Variants in ATG2A observed in about 807,000 individuals in gnomAD.
ATG2A encodes the protein autophagy-related protein 2 homolog A.
ATG2A carries 103 observed loss-of-function variants against 214.2 expected under a neutral mutation model. The ratio of observed to expected loss-of-function variants is 0.48; its 90% CI spans 0.41 to 0.57. The LOEUF is 0.57. Among genes scored for constraint, ATG2A ranks in the 20% least tolerant of loss-of-function variants. ATG2A has a pLI of 0.00. For synonymous variants in ATG2A, 1,160 were observed against 1,142.1 expected, an observed-to-expected ratio of 1.02 and a Z score of -0.32; for missense variants, 2,312 against 2,613.2, an observed-to-expected ratio of 0.88 and a Z score of 2.51.
At chr11:64,901,861 C>T (rs557240112) in intron 29 of ATG2A, 101 bp downstream of exon 29, 49 of 1,362,924 alleles carry the variant, frequency 3.6e-5, no homozygotes, top group East Asian at 3.0e-4. Flanking sequence ...TCTCTCACCA[C>T]GGGAGCTCCA....
chr11:64,911,726 A>G lies in ATG2A; in HGVS notation c.1228+116T>C. The stretch of plus-strand genomic sequence containing the variant: ...TGGTCCCCAGGGAACCAAGTCACAG[A>G]TGGTAGATATCCAGGCATCGCTGGG... On this transcript the variant is annotated intron_variant, in intron 9 of 40. Transcript: ENST00000377264. 4 of 1,420,478 alleles carry G rather than the reference A, an allele frequency of 2.8e-6. No individual in the cohort carries two copies. The South Asian group carries it at 5.4e-5, about 19-fold the overall frequency. The allele number at this position is 1,420,478 out of a possible 1,614,324, so 88.0% of individuals were successfully genotyped here.
intron 36 of ATG2A, 84 bp downstream of exon 36, chr11:64,897,587 G>C: frequency 3.1e-6 from 5 of 1,606,832 alleles, no homozygotes; most frequent in Non-Finnish European, 4.3e-6. Flanking sequence ...GCTGCTAACA[G>C]TGCCTGGATG....
In ATG2A at chr11:64,898,273, G is replaced by A; in HGVS notation, c.4761C>T (p.Leu1587=). ...GTAGACCACTCACCTGGTCCACATT[G>A]AGCCGCAGGGGCATCAGCGAGACGC... is the stretch of plus-strand genomic sequence containing the variant. ...CLRVSLMPLR[L]NVDQDALFFL... The change falls in exon 33 of 41, where the codon CTC becomes CTT. Residue 1587 remains leucine (L), a synonymous_variant. Transcript: ENST00000377264. The surrounding 1 kb of genome is among the most constrained non-coding windows in gnomAD (Gnocchi z 4.5). The A allele has an allele frequency of 6.2e-7, 1 of 1,613,746 alleles. No homozygotes were observed. Among genetic ancestry groups the A allele is most frequent in the East Asian group, 2.2e-5 (1 of 44,884 alleles).
At position 64,907,844 on chromosome 11, in the gene ATG2A, C is replaced by T. The variant is rs548242951; in HGVS notation, c.2411G>A (p.Arg804Gln). Residue 804 changes from arginine to glutamine, a missense_variant, in exon 17 of 41, where the codon CGG (arginine) becomes CAG (glutamine). By Grantham distance (43) the Arg-to-Gln change is conservative (BLOSUM62 1). Coordinates refer to ENST00000377264, the MANE Select transcript of ATG2A (RefSeq NM_015104.3). ...DPEEMRTFQS[R>Q]TLALSRCSLE... ...GCTGCAGCGGGACAGTGCCAGGGTC[C>T]GGCTCTGGAACGTCCTCATCTCCTC... 1.7e-5 allele frequency: 27 copies of T among 1,613,160 alleles called. No individual in the cohort carries two copies. The highest frequency in any genetic ancestry group is 7.7e-5 in the South Asian group (7 of 90,918).
Position 64,906,178 on chromosome 11 carries a change from G to T in ATG2A, c.3199C>A (p.Leu1067Met), listed in dbSNP as rs766873877. Residue 1067 changes from leucine (L) to methionine (M), a missense_variant, in exon 22 of 41, where the codon CTG becomes ATG. Physicochemically the swap from Leu to Met is conservative, Grantham distance 15 (BLOSUM62 2). Coordinates refer to ENST00000377264, the MANE Select transcript of ATG2A (RefSeq NM_015104.3). The part of the protein sequence containing the change: ...HKNVKEFLVT[L>M]RLHKATLRHY... ...CGCAAGGTGGCTTTGTGCAACCGCA[G>T]TGTCACCAGGAACTCCTGAGGGTGG... The T allele has an allele frequency of 6.2e-7, 1 of 1,609,608 alleles. No homozygotes were observed.
Position 64,905,929 on chromosome 11 carries a change from G to T in ATG2A, c.3265-81C>A, listed in dbSNP as rs554775483. 2.5e-5 allele frequency: 37 copies of T among 1,451,200 alleles called. No individual in the cohort carries two copies. In the Admixed American group the frequency reaches 5.9e-4, roughly 23 times the overall value. The allele number at this position is 1,451,200 out of a possible 1,614,324, so 89.9% of individuals were successfully genotyped here. A position where few individuals can be genotyped will look rare whatever the true frequency, so the allele number is the denominator to read the frequency against. On this transcript the variant is annotated intron_variant, in intron 22 of 40. Transcript: ENST00000377264. ...CTAACCCCTCCCTGTCCTGGCCCCT[G>T]CCTGGCACCTCACCTTCTGCCCACT...
rs1335319928 is a variant in ATG2A, at chr11:64,902,266, G to A, written c.3898C>T (p.Pro1300Ser). 6.2e-7 allele frequency: 1 copy of A among 1,613,230 alleles called. No homozygotes were observed. The highest frequency in any genetic ancestry group is 8.5e-7 in the Non-Finnish European group (1 of 1,180,024). ...CACAGCACCCCCACTTCACCTGAAG[G>A]CTGGGCCAGCTCCCGTAGGCTGCGC... is the stretch of plus-strand genomic sequence containing the variant. The part of the protein sequence containing the change: ...TERSLRELAQ[P>S]SGGHLPQASP... Residue 1300 changes from proline (P) to serine (S), a missense_variant, in exon 28 of 41, where the codon CCT becomes TCT. Coordinates refer to ENST00000377264, the MANE Select transcript of ATG2A (RefSeq NM_015104.3).
At chr11:64,915,176 G>A (rs111972001) in intron 1 of ATG2A, among the ~76,000 whole-genome samples, 1 of 136,394 alleles carries the variant, frequency 7.3e-6, no homozygotes, top group Admixed American at 7.9e-5. Context: ...GTGTAGCTGT[G>A]CCTCTCTGTG....
chr11:64,913,441 G>C lies in ATG2A; in HGVS notation c.591-40C>G. ...GTCAGCCCGTGCCCTGGCCACCCCAGGCCTGGAGCCCCTCTCTCCACACAG... is the reference window on the plus strand; with the variant it reads ...GTCAGCCCGTGCCCTGGCCACCCCACGCCTGGAGCCCCTCTCTCCACACAG... On this transcript the variant is annotated intron_variant, in intron 4 of 40. Transcript: ENST00000377264. The surrounding 1 kb of genome is among the most constrained non-coding windows in gnomAD (Gnocchi z 4.3). 3 of 1,520,082 alleles carry C rather than the reference G, an allele frequency of 2.0e-6. No homozygotes were observed. Among genetic ancestry groups the C allele is most frequent in the Non-Finnish European group, 2.7e-6 (3 of 1,130,062 alleles). 94.2% of individuals were successfully genotyped at this position (1,520,082 alleles called of 1,614,324 possible). A position where few individuals can be genotyped will look rare whatever the true frequency, so the allele number is the denominator to read the frequency against.
intron 8 of ATG2A, 34 bp from the exon 9 acceptor site, chr11:64,912,016 G>A (rs763085430): frequency 2.9e-5 from 46 of 1,613,322 alleles, no homozygotes; most frequent in Middle Eastern, 3.3e-4. Context: ...AGGGACAGCC[G>A]ACCCCAGCCC....
intron 37 of ATG2A, chr11:64,897,104 G>A (rs925089291): frequency 2.8e-5 from 18 of 651,438 alleles, no homozygotes; most frequent in East Asian, 2.3e-4. Context: ...CACTGCAACC[G>A]CCTCCCAGGT....
rs766284685 is a variant in ATG2A, at chr11:64,905,659, G to A, written c.3372-4C>T. 1.2e-6 allele frequency: 2 copies of A among 1,613,908 alleles called. No individual in the cohort carries two copies. The highest frequency in any genetic ancestry group is 1.7e-5 in the Admixed American group (1 of 59,998). On this transcript the variant is annotated splice_region_variant and splice_polypyrimidine_tract_variant and intron_variant, in intron 23 of 40. Transcript: ENST00000377264. ...ACGCACTGGGAGGTAGAGTGGCCTG[G>A]GGGTGATACTCGGGCTGGGGCCGGC... is the stretch of plus-strand genomic sequence containing the variant.
intron 9 of ATG2A, 110 bp from the exon 10 acceptor site, chr11:64,911,385 T>C: frequency 4.5e-6 from 5 of 1,110,298 alleles, no homozygotes; most frequent in Admixed American, 2.0e-5. Flanking sequence ...TGCCCCACCA[T>C]GTGGCTCTGG....
intron 39 of ATG2A, among the ~76,000 whole-genome samples, 186 bp downstream of exon 39, chr11:64,896,276 G>A (rs1237454779): frequency 2.0e-5 from 3 of 152,190 alleles, no homozygotes; most frequent in Admixed American, 6.5e-5. Flanking sequence ...TGTGGGCCTC[G>A]GGAGACCTGG....
At chr11:64,907,961 C>A in intron 16 of ATG2A, 71 bp from the exon 17 acceptor site, 1 of 1,519,290 alleles carries the variant, frequency 6.6e-7, no homozygotes, top group East Asian at 2.3e-5. Flanking sequence ...TCTCTGGTCT[C>A]AGTCCTGCCC....
At position 64,909,709 on chromosome 11, in the gene ATG2A, G is replaced by T. The variant is rs752621725; in HGVS notation, c.2079C>A (p.His693Gln). Residue 693 changes from histidine (H) to glutamine (Q), a missense_variant, in exon 14 of 41, where the codon CAC (histidine) becomes CAA (glutamine). By Grantham distance (24) the His-to-Gln change is conservative. Transcript: ENST00000377264. Reference protein sequence around the residue: ...SSGPGPPVPTHLELTCSDLHG... With the variant: ...SSGPGPPVPTQLELTCSDLHG... ...GTAGGTCGGAGCAGGTGAGTTCCAG[G>T]TGGGTGGGGACTGGGGGACCAGGCC... 6.2e-7 allele frequency: 1 copy of T among 1,613,204 alleles called. No homozygotes were observed. The highest frequency in any genetic ancestry group is 8.5e-7 in the Non-Finnish European group (1 of 1,179,988).
chr11:64,902,641 C>T lies in ATG2A; in HGVS notation c.3652G>A (p.Val1218Ile). Reference protein sequence around the residue: ...LFELRCSNNVVHVHSCADSCA... With the variant: ...LFELRCSNNVIHVHSCADSCA... ...GAGTCGGCACAGCTGTGCACGTGTA[C>T]CACATTGTTGGAGCAGCGCAGCTCG... Residue 1218 changes from valine to isoleucine, a missense_variant, in exon 27 of 41, where the codon GTA becomes ATA. Physicochemically the swap from Val to Ile is conservative, Grantham distance 29. Coordinates refer to ENST00000377264, the MANE Select transcript of ATG2A (RefSeq NM_015104.3). The T allele has an allele frequency of 1.9e-6, 3 of 1,611,218 alleles. 1 individual carries two copies. In the East Asian group the frequency reaches 6.7e-5, roughly 36 times the overall value.
rs1174602392 is a variant in ATG2A at position 64,900,937 on chromosome 11, G to A, written c.4275C>T (p.Ser1425=). 1.9e-6 allele frequency: 3 copies of A among 1,578,818 alleles called. No homozygotes were observed. Among genetic ancestry groups the A allele is most frequent in the Non-Finnish European group, 2.6e-6 (3 of 1,162,862 alleles). ...GGCCCCCATAGAGGTGCCAGACGAG[G>A]GAGACCTCACGTAGCACCACCCGAG... The part of the protein sequence containing the change: ...PSTRVVLREV[S]LVWHLYGGRD... Residue 1425 remains serine (S), a synonymous_variant, in exon 30 of 41, where the codon TCC becomes TCT. Transcript: ENST00000377264.
At position 64,902,293 on chromosome 11, in the gene ATG2A, C is replaced by G. The variant is rs781517472; in HGVS notation, c.3871G>C (p.Glu1291Gln). 5 of 1,612,584 alleles carry G rather than the reference C, an allele frequency of 3.1e-6. No homozygotes were observed. The highest frequency in any genetic ancestry group is 4.2e-6 in the Non-Finnish European group (5 of 1,179,950). ...TGGGCCAGCTCCCGTAGGCTGCGCT[C>G]GGTGTCCAGGAGGGCGTCGGCCAGG... is the stretch of plus-strand genomic sequence containing the variant. ...RDLADALLDTERSLRELAQPS... is the reference protein window; with the variant it reads ...RDLADALLDTQRSLRELAQPS... Residue 1291 changes from glutamate to glutamine, a missense_variant, in exon 28 of 41, where the codon GAG becomes CAG. Physicochemically the swap from Glu to Gln is conservative, Grantham distance 29. Coordinates refer to ENST00000377264, the MANE Select transcript of ATG2A (RefSeq NM_015104.3).
Sources: allele counts gnomAD v4.1 joint callset (sites outside exome capture counted in the v4.1 genomes callset), GRCh38; gene constraint gnomAD v4.1.1; non-coding constraint Gnocchi (gnomAD v3.1); transcripts MANE v1.5; gene names NCBI Gene and HGNC (gene_info 2026-07-23, HGNC 2026-07-21).